Variants in RBFOX1 observed in about 807,000 individuals in gnomAD.
RBFOX1 encodes the protein RNA binding fox-1 homolog 1, also known as RNA binding protein fox-1 homolog 1.
RBFOX1 carries 8 observed loss-of-function variants against 57.7 expected under a neutral mutation model. The observed-to-expected ratio is 0.14, with a 90% CI of 0.08 to 0.25. RBFOX1 has a LOEUF of 0.25. Ranked by LOEUF, RBFOX1 falls within the 10% of genes least tolerant of loss-of-function variation. The probability of loss-of-function intolerance (pLI) is 1.00; values close to 1 mark genes in which losing one functional copy is unlikely to be tolerated. For missense variants in RBFOX1, 611 were observed against 548.5 expected (o/e 1.11, Z -1.14); for synonymous variants, 326 against 222.4 (o/e 1.47, Z -4.15).
At chr16:6,554,527 T>G (rs2097057454) in intron 2 of RBFOX1, among the ~76,000 whole-genome samples, 2 of 152,198 alleles carry the variant, frequency 1.3e-5, no homozygotes, top group South Asian at 4.1e-4. Flanking sequence ...TAGTGAATTT[T>G]ATGGTTTATG....
rs540175610 is a variant in RBFOX1, at chr16:7,283,400, C to G, written c.27+231302C>G. Among the ~76,000 whole-genome samples the G allele has an allele frequency of 4.2e-4, 64 of 152,098 alleles. 1 individual carries two copies. The highest frequency in any genetic ancestry group is 1.5e-3 in the African/African-American group (63 of 41,514). ...CATGGATCAGTGTCCACCATGAGTTCCCACAGTTGGAAAGATTTAGGGGAG... is the reference window on the plus strand; with the variant it reads ...CATGGATCAGTGTCCACCATGAGTTGCCACAGTTGGAAAGATTTAGGGGAG... On this transcript the variant is annotated intron_variant, in intron 4 of 15. Transcript: ENST00000550418.
intron 2 of RBFOX1, among the ~76,000 whole-genome samples, chr16:6,459,287 G>C (rs1298036917): frequency 1.3e-5 from 2 of 152,314 alleles, no homozygotes; most frequent in Admixed American, 6.5e-5. Flanking sequence ...AGTGAGCCGA[G>C]ATGGCGCCAC....
chr16:6,153,249 C>T (rs1459080720), intron 1 of RBFOX1, among the ~76,000 whole-genome samples: 1 of 152,076 alleles, frequency 6.6e-6, no homozygotes, highest in South Asian at 2.1e-4. Context: ...TTCCTATTTC[C>T]TCCAATAAAA....
intron 1 of RBFOX1, among the ~76,000 whole-genome samples, chr16:6,311,026 G>A (rs1164618325): frequency 2.0e-5 from 3 of 152,220 alleles, no homozygotes; most frequent in South Asian, 4.1e-4. Context: ...CCTGGATGTG[G>A]TGGCTCACAC....
At chr16:6,743,045 A>G (rs1225466383) in intron 3 of RBFOX1, among the ~76,000 whole-genome samples, 1 of 152,186 alleles carries the variant, frequency 6.6e-6, no homozygotes, top group Non-Finnish European at 1.5e-5. Flanking sequence ...TGTCACTAGC[A>G]GGATAGGGAA....
chr16:7,368,029 A>T (rs1345468950), intron 4 of RBFOX1, among the ~76,000 whole-genome samples: 1 of 152,020 alleles, frequency 6.6e-6, no homozygotes, highest in African/African-American at 2.4e-5. Context: ...CATTTTGGGA[A>T]GCCGAGGATG....
At chr16:7,475,052 C>T (rs1316208631) in intron 4 of RBFOX1, among the ~76,000 whole-genome samples, 1 of 152,116 alleles carries the variant, frequency 6.6e-6, no homozygotes, top group African/African-American at 2.4e-5. Flanking sequence ...GGTTGTTCAC[C>T]AAATCAGAGA....
At chr16:6,099,484 C>G (rs768509259) in intron 1 of RBFOX1, among the ~76,000 whole-genome samples, 3 of 152,108 alleles carry the variant, frequency 2.0e-5, no homozygotes, top group South Asian at 2.1e-4. Context: ...GGAATTAAAT[C>G]CATAGAGGCA....
intron 4 of RBFOX1, among the ~76,000 whole-genome samples, chr16:7,263,587 G>A (rs1462880451): frequency 1.3e-5 from 2 of 152,036 alleles, no homozygotes; most frequent in Admixed American, 6.6e-5. Flanking sequence ...GGATGGCTGA[G>A]CTAAAAGGGG....
chr16:6,521,926 G>T (rs1216245910), intron 2 of RBFOX1, among the ~76,000 whole-genome samples: 1 of 152,110 alleles, frequency 6.6e-6, no homozygotes, highest in Admixed American at 6.6e-5. Flanking sequence ...GCTAAGGGAA[G>T]GGGAATACTT....
chr16:6,945,792 G>C (rs4786130), intron 3 of RBFOX1, among the ~76,000 whole-genome samples: 1 of 152,142 alleles, frequency 6.6e-6, no homozygotes, highest in Non-Finnish European at 1.5e-5. Context: ...TTCGGAGGCC[G>C]AGACGGGAGA....
intron 3 of RBFOX1, among the ~76,000 whole-genome samples, chr16:6,985,278 T>C (rs907282179): frequency 1.3e-5 from 2 of 152,214 alleles, no homozygotes; most frequent in African/African-American, 2.4e-5. Flanking sequence ...ATATATCTTA[T>C]GTTTTTACAT....
intron 3 of RBFOX1, among the ~76,000 whole-genome samples, chr16:5,780,542 T>A (rs917371670): frequency 1.3e-5 from 2 of 152,062 alleles, no homozygotes; most frequent in Non-Finnish European, 2.9e-5. Flanking sequence ...ATTTAAACAA[T>A]CAATCAATCA....
At chr16:6,520,306 G>A (rs1016452840) in intron 2 of RBFOX1, among the ~76,000 whole-genome samples, 1 of 152,172 alleles carries the variant, frequency 6.6e-6, no homozygotes, top group Non-Finnish European at 1.5e-5. Flanking sequence ...TTTAGACAAT[G>A]AGTTGTTTAT....
chr16:5,328,981 C>G (rs1262704159), intron 1 of RBFOX1, among the ~76,000 whole-genome samples: 1 of 152,168 alleles, frequency 6.6e-6, no homozygotes, highest in Non-Finnish European at 1.5e-5. Context: ...ATAAATCTGT[C>G]TCTTGGTCTA....
At chr16:7,284,920 CCA>C (rs1039854585) in intron 4 of RBFOX1, among the ~76,000 whole-genome samples, 1 of 152,088 alleles carries the variant, frequency 6.6e-6, no homozygotes, top group African/African-American at 2.4e-5. Flanking sequence ...TACATCCTTG[CCA>C]CACACTGTTT....
intron 4 of RBFOX1, among the ~76,000 whole-genome samples, chr16:6,001,980 T>C (rs1232619788): frequency 6.6e-6 from 1 of 150,446 alleles, no homozygotes; most frequent in Non-Finnish European, 1.5e-5. Flanking sequence ...TTTTTTTTTT[T>C]TTTTGAGACT....
chr16:7,363,842 A>C (rs1158382451), intron 4 of RBFOX1, among the ~76,000 whole-genome samples: 3 of 151,956 alleles, frequency 2.0e-5, no homozygotes, highest in African/African-American at 7.2e-5. Flanking sequence ...GATGTTTATT[A>C]TCTGGGTGGA....
At chr16:6,043,120 GAAAAAAA>G (rs570358262) in intron 1 of RBFOX1, among the ~76,000 whole-genome samples, 7 of 70,228 alleles carry the variant, frequency 1.0e-4, no homozygotes, top group Non-Finnish European at 1.6e-4. Context: ...TGTGTTTCCA[GAAAAAAA>G]AAAAAAAAAA....
Sources: gnomAD v4.1 joint callset for allele counts (sites outside exome capture counted in the v4.1 genomes callset) on GRCh38, gnomAD v4.1.1 for gene constraint, MANE v1.5 for transcripts, NCBI Gene and HGNC (gene_info 2026-07-23, HGNC 2026-07-21) for gene names.